CAND1: variants seen among roughly 807,000 people sequenced by gnomAD.
The protein encoded by CAND1 is cullin-associated NEDD8-dissociated protein 1.
In CAND1, 7 loss-of-function variants were observed where a neutral mutation model predicts 108.5. The observed-to-expected ratio is 0.06, with a 90% CI of 0.04 to 0.12. CAND1 has a LOEUF of 0.12. Among genes scored for constraint, CAND1 ranks in the 10% least tolerant of loss-of-function variants. The pLI is 1.00. For synonymous variants in CAND1, 534 were observed against 512.0 expected, an observed-to-expected ratio of 1.04 and a Z score of -0.58; for missense variants, 941 against 1,448.7, an observed-to-expected ratio of 0.65 and a Z score of 5.69.
At chr12:67,289,448 G>A (rs1036738189) in intron 2 of CAND1, among the ~76,000 whole-genome samples, 6 of 152,136 alleles carry the variant, frequency 3.9e-5, no homozygotes, top group Admixed American at 1.3e-4. Flanking sequence ...GGGTGCAGTG[G>A]TGTGATCATG....
At chr12:67,279,174 CAA>C (rs3970784) in intron 1 of CAND1, among the ~76,000 whole-genome samples, 46 of 140,024 alleles carry the variant, frequency 3.3e-4, no homozygotes, top group Admixed American at 5.7e-4. Flanking sequence ...TCCCCACCAC[CAA>C]AAAAAAAAAA....
At chr12:67,307,312 G>A in intron 10 of CAND1, 85 bp from the exon 11 acceptor site, 3 of 864,130 alleles carry the variant, frequency 3.5e-6, no homozygotes, top group Non-Finnish European at 5.8e-6. Context: ...TGAAGACACT[G>A]GTGTTATTTG....
Position 67,316,524 on chromosome 12 carries a change from C to T in CAND1, c.*3694C>T, listed in dbSNP as rs2045008985. ...GTAACTTAGAAAGTTAGCTCTGAATCCAAAAACTACTGAAGTGAGTAATGC... is the reference window on the plus strand; with the variant it reads ...GTAACTTAGAAAGTTAGCTCTGAATTCAAAAACTACTGAAGTGAGTAATGC... On this transcript the variant is annotated 3_prime_UTR_variant, in exon 15 of 15. Coordinates refer to ENST00000545606, the MANE Select transcript of CAND1 (RefSeq NM_018448.5). The T allele has an allele frequency of 6.6e-6, 1 of 152,160 alleles. No individual in the cohort carries two copies. Among genetic ancestry groups the T allele is most frequent in the Non-Finnish European group, 1.5e-5 (1 of 68,032 alleles). 9.4% of individuals were successfully genotyped at this position (152,160 alleles called of 1,614,324 possible).
intron 13 of CAND1, chr12:67,310,548 A>G (rs891249645): frequency 1.4e-5 from 5 of 353,502 alleles, no homozygotes; most frequent in Non-Finnish European, 2.6e-5. Flanking sequence ...GTGGATGCAA[A>G]ATGCTGTGTG....
At position 67,306,003 on chromosome 12, in the gene CAND1, C is replaced by T. The variant is rs759610629; in HGVS notation, c.2335C>T (p.Leu779=). The stretch of plus-strand genomic sequence containing the variant: ...AGGATACATGGATTTGTTGCGCATG[C>T]TGACTGGTCCAGTTTACTCTCAGAG... The part of the protein sequence containing the change: ...NLGYMDLLRM[L]TGPVYSQSTA... The change falls in exon 10 of 15, where the codon CTG becomes TTG. Residue 779 remains leucine (L), a synonymous_variant. Coordinates refer to ENST00000545606, the MANE Select transcript of CAND1 (RefSeq NM_018448.5). 6.2e-7 allele frequency: 1 copy of T among 1,614,124 alleles called. No homozygotes were observed. The highest frequency in any genetic ancestry group is 1.1e-5 in the South Asian group (1 of 91,084).
chr12:67,285,735 C>G (rs1341699711), intron 2 of CAND1, among the ~76,000 whole-genome samples: 1 of 152,140 alleles, frequency 6.6e-6, no homozygotes, highest in Non-Finnish European at 1.5e-5. Flanking sequence ...GTTTTATTTA[C>G]CATAAATTAG....
At chr12:67,301,307 G>A (rs1442743164) in intron 7 of CAND1, among the ~76,000 whole-genome samples, 1 of 152,028 alleles carries the variant, frequency 6.6e-6, no homozygotes, top group African/African-American at 2.4e-5. Flanking sequence ...AGGCCTAGCT[G>A]GCTACATTTG....
intron 13 of CAND1, chr12:67,310,798 A>G (rs1293827389): frequency 6.6e-6 from 1 of 152,342 alleles, no homozygotes; most frequent in African/African-American, 2.4e-5. Context: ...TCAATATAAT[A>G]TACTGTGTTT....
At chr12:67,280,441 A>C (rs1389196865) in intron 1 of CAND1, among the ~76,000 whole-genome samples, 1 of 152,240 alleles carries the variant, frequency 6.6e-6, no homozygotes, top group Non-Finnish European at 1.5e-5. Context: ...ATTCAGCTCC[A>C]ATAGTTGTTT....
intron 1 of CAND1, among the ~76,000 whole-genome samples, chr12:67,279,122 T>TG (rs2044596730): frequency 2.6e-5 from 4 of 151,018 alleles, no homozygotes; most frequent in African/African-American, 9.8e-5. Flanking sequence ...CTCCACATAC[T>TG]GAACTGTTTC....
chr12:67,310,245 C>G lies in CAND1; in HGVS notation c.3289C>G (p.Leu1097Val). Residue 1097 changes from leucine (L) to valine (V), a missense_variant, in exon 13 of 15, where the codon CTT becomes GTT. Leu to Val is a conservative substitution (Grantham distance 32, BLOSUM62 1). Coordinates refer to ENST00000545606, the MANE Select transcript of CAND1 (RefSeq NM_018448.5). The part of the protein sequence containing the change: ...ECMYTLLDSC[L>V]DRLDIFEFLN... ...TATGTACACACTTCTAGACAGTTGT[C>G]TTGATAGACTTGATATCTTTGAATT... The G allele has an allele frequency of 6.2e-7, 1 of 1,611,072 alleles. No homozygotes were observed. The highest frequency in any genetic ancestry group is 8.5e-7 in the Non-Finnish European group (1 of 1,177,582).
At chr12:67,273,249 A>G (rs781297972) in intron 1 of CAND1, among the ~76,000 whole-genome samples, 9 of 152,166 alleles carry the variant, frequency 5.9e-5, no homozygotes, top group Non-Finnish European at 5.9e-5. Flanking sequence ...TCTGGAGTGT[A>G]CTGAGACTTT....
chr12:67,296,756 T>C (rs191226688), intron 4 of CAND1, among the ~76,000 whole-genome samples: 5 of 151,934 alleles, frequency 3.3e-5, no homozygotes, highest in African/African-American at 1.2e-4. Context: ...TTAGAGATTT[T>C]GGAAGGAGAA....
At chr12:67,288,127 C>G (rs893909355) in intron 2 of CAND1, among the ~76,000 whole-genome samples, 1 of 145,142 alleles carries the variant, frequency 6.9e-6, no homozygotes, top group Non-Finnish European at 1.5e-5. Flanking sequence ...AGATTTATAT[C>G]TTTTCTGAAT....
intron 2 of CAND1, among the ~76,000 whole-genome samples, chr12:67,288,348 G>A (rs375320191): frequency 6.6e-6 from 1 of 151,814 alleles, no homozygotes. Flanking sequence ...GGCTGGTCTC[G>A]AACTCCTGAC....
intron 2 of CAND1, among the ~76,000 whole-genome samples, chr12:67,292,087 G>A (rs572074155): frequency 1.3e-5 from 2 of 152,042 alleles, no homozygotes; most frequent in African/African-American, 4.8e-5. Flanking sequence ...GGCTGGTCTC[G>A]AACTCCTGGC....
Position 67,281,893 on chromosome 12 carries a change from T to C in CAND1, c.69-17T>C. ...GCTTTAAAATTTTCAAATTAACAAATTTTATTTTTTTGATAGGTTTATGGC... is the reference window on the plus strand; with the variant it reads ...GCTTTAAAATTTTCAAATTAACAAACTTTATTTTTTTGATAGGTTTATGGC... On this transcript the variant is annotated splice_polypyrimidine_tract_variant and intron_variant, in intron 1 of 14. Coordinates refer to ENST00000545606, the MANE Select transcript of CAND1 (RefSeq NM_018448.5). 6.5e-7 allele frequency: 1 copy of C among 1,547,042 alleles called. No homozygotes were observed. The highest frequency in any genetic ancestry group is 1.8e-4 in the Middle Eastern group (1 of 5,526).
intron 2 of CAND1, among the ~76,000 whole-genome samples, chr12:67,288,347 C>T (rs59402354): frequency 0.075 from 11,416 of 151,786 alleles, 858 homozygotes; most frequent in African/African-American, 0.2. Context: ...AGGCTGGTCT[C>T]GAACTCCTGA....
At chr12:67,279,759 TAAGTA>T (rs1285893242) in intron 1 of CAND1, among the ~76,000 whole-genome samples, 4 of 152,212 alleles carry the variant, frequency 2.6e-5, no homozygotes, top group African/African-American at 9.6e-5. Flanking sequence ...AAATAAACAA[TAAGTA>T]AAGAATGAAT....
Sources: gnomAD v4.1 joint callset for allele counts (sites outside exome capture counted in the v4.1 genomes callset) on GRCh38, gnomAD v4.1.1 for gene constraint, MANE v1.5 for transcripts, NCBI Gene and HGNC (gene_info 2026-07-23, HGNC 2026-07-21) for gene names.